Variants in IL19 observed in about 807,000 individuals in gnomAD.
IL19 encodes the protein interleukin 19.
Under a neutral mutation model 19.5 loss-of-function variants are expected in IL19, and 15 were observed. That is an observed-to-expected ratio of 0.77 (90% CI 0.52 to 1.19). The LOEUF (loss-of-function observed/expected upper bound fraction) is 1.19, where lower values mean the gene tolerates loss of function less well. Ranked by LOEUF, IL19 falls within the 50% of genes most tolerant of loss-of-function variation. The probability of loss-of-function intolerance (pLI) is 0.00; values close to 1 mark genes in which losing one functional copy is unlikely to be tolerated. For synonymous variants in IL19, 78 were observed against 78.3 expected, an observed-to-expected ratio of 1.00 and a Z score of 0.02; for missense variants, 199 against 213.1, an observed-to-expected ratio of 0.93 and a Z score of 0.41.
At chr1:206,787,795 T>C (rs1675301272) in intron 1 of IL19, among the ~76,000 whole-genome samples, 1 of 152,218 alleles carries the variant, frequency 6.6e-6, no homozygotes, top group Non-Finnish European at 1.5e-5. Context: ...CTCTGGTGGC[T>C]TTTCTCAGAA....
chr1:206,820,700 C>T (rs2102474001), intron 2 of IL19, among the ~76,000 whole-genome samples: 1 of 152,364 alleles, frequency 6.6e-6, no homozygotes, highest in Middle Eastern at 3.4e-3. Flanking sequence ...CTCTACTTTA[C>T]TGTGGCATTG....
At chr1:206,795,485 T>A (rs1675499888) in intron 1 of IL19, among the ~76,000 whole-genome samples, 1 of 152,204 alleles carries the variant, frequency 6.6e-6, no homozygotes, top group African/African-American at 2.4e-5. Flanking sequence ...CCTACTCCTC[T>A]CCTACTGACC....
chr1:206,821,229 T>C (rs1269205704), intron 2 of IL19, among the ~76,000 whole-genome samples: 1 of 152,196 alleles, frequency 6.6e-6, no homozygotes, highest in African/African-American at 2.4e-5. Flanking sequence ...GATGACAGGT[T>C]CTGGAAGTTA....
chr1:206,817,113 A>G (rs975606553), intron 2 of IL19, among the ~76,000 whole-genome samples: 2 of 152,224 alleles, frequency 1.3e-5, no homozygotes, highest in African/African-American at 4.8e-5. Flanking sequence ...TGGAACCAAG[A>G]TGGCCTACTG....
At chr1:206,838,560 T>C (rs1190459635) in intron 4 of IL19, among the ~76,000 whole-genome samples, 2 of 152,176 alleles carry the variant, frequency 1.3e-5, no homozygotes, top group African/African-American at 4.8e-5. Flanking sequence ...AAAACCATCA[T>C]TTTCAAATGA....
intron 2 of IL19, among the ~76,000 whole-genome samples, chr1:206,809,953 G>A (rs1453056861): frequency 6.6e-6 from 1 of 152,060 alleles, no homozygotes; most frequent in South Asian, 2.1e-4. Context: ...CTTCACTTGG[G>A]GCAGTTTCCT....
intron 6 of IL19, among the ~76,000 whole-genome samples, chr1:206,841,344 C>A (rs1337572660): frequency 6.6e-6 from 1 of 152,170 alleles, no homozygotes; most frequent in Non-Finnish European, 1.5e-5. Context: ...GGGAAAGCAC[C>A]CACTGCTTAA....
intron 2 of IL19, among the ~76,000 whole-genome samples, chr1:206,824,872 C>T (rs948973720): frequency 1.3e-5 from 2 of 152,194 alleles, no homozygotes; most frequent in Non-Finnish European, 2.9e-5. Flanking sequence ...AAGCGATTAT[C>T]CTGCCTTAGC....
intron 2 of IL19, among the ~76,000 whole-genome samples, chr1:206,826,442 G>A (rs141160140): frequency 1.1e-4 from 16 of 152,214 alleles, no homozygotes; most frequent in South Asian, 2.1e-4. Context: ...CAGCTGGGTG[G>A]GGTTTCTTCC....
chr1:206,811,852 A>C (rs779152865), intron 2 of IL19, among the ~76,000 whole-genome samples: 41 of 152,244 alleles, frequency 2.7e-4, no homozygotes, highest in Non-Finnish European at 5.7e-4. Flanking sequence ...ATGTTTCCTT[A>C]GTGCAGGAGA....
chr1:206,785,987 G>A (rs1040995697), intron 1 of IL19, among the ~76,000 whole-genome samples: 2 of 150,894 alleles, frequency 1.3e-5, no homozygotes, highest in African/African-American at 4.9e-5. Flanking sequence ...TAAACTGTGT[G>A]TTAGGGAGGG....
intron 2 of IL19, among the ~76,000 whole-genome samples, chr1:206,827,248 G>T (rs1272632866): frequency 6.6e-6 from 1 of 152,120 alleles, no homozygotes; most frequent in Admixed American, 6.5e-5. Flanking sequence ...TTAATGAATA[G>T]AAATATTATT....
chr1:206,828,342 G>A (rs1296182381), intron 2 of IL19, among the ~76,000 whole-genome samples: 1 of 152,208 alleles, frequency 6.6e-6, no homozygotes, highest in Non-Finnish European at 1.5e-5. Flanking sequence ...CACATTCCAA[G>A]TTTAATCATA....
intron 2 of IL19, among the ~76,000 whole-genome samples, chr1:206,830,369 A>C (rs1676559997): frequency 6.6e-6 from 1 of 152,196 alleles, no homozygotes; most frequent in Non-Finnish European, 1.5e-5. Context: ...AAAAAAACAA[A>C]AACAAAACAA....
chr1:206,832,240 A>G (rs1465998165), intron 2 of IL19, among the ~76,000 whole-genome samples: 1 of 152,276 alleles, frequency 6.6e-6, no homozygotes, highest in Non-Finnish European at 1.5e-5. Context: ...CACACAGGAT[A>G]GAAATACATA....
intron 6 of IL19, 125 bp downstream of exon 6, chr1:206,841,203 C>A: frequency 5.5e-6 from 4 of 725,276 alleles, no homozygotes; most frequent in Middle Eastern, 2.6e-4. Flanking sequence ...TGTGGGCAGG[C>A]CTCAATTCTC....
At chr1:206,795,965 T>A (rs1216478637) in intron 1 of IL19, among the ~76,000 whole-genome samples, 1 of 120,436 alleles carries the variant, frequency 8.3e-6, no homozygotes, top group Non-Finnish European at 1.9e-5. Flanking sequence ...GTGTGTATGA[T>A]TTATTATAAG....
At chr1:206,771,813 C>T (rs1674853122) in intron 1 of IL19, among the ~76,000 whole-genome samples, 3 of 152,182 alleles carry the variant, frequency 2.0e-5, no homozygotes, top group African/African-American at 7.2e-5. Context: ...TGGAAAGATC[C>T]CAGGGATTAA....
intron 2 of IL19, among the ~76,000 whole-genome samples, chr1:206,808,271 G>A (rs1256691134): frequency 1.3e-5 from 2 of 152,168 alleles, no homozygotes; most frequent in South Asian, 2.1e-4. Flanking sequence ...GCGGAGTTGC[G>A]GTGAGCCAAG....
Sources: allele counts gnomAD v4.1 joint callset (sites outside exome capture counted in the v4.1 genomes callset), GRCh38; gene constraint gnomAD v4.1.1; transcripts MANE v1.5; gene names NCBI Gene and HGNC (gene_info 2026-07-23, HGNC 2026-07-21).